Variants in LRRC31 observed in about 807,000 individuals in gnomAD.
The protein encoded by LRRC31 is leucine-rich repeat-containing protein 31.
Under a neutral mutation model 46.7 loss-of-function variants are expected in LRRC31, and 35 were observed. The ratio of observed to expected loss-of-function variants is 0.75; its 90% CI spans 0.57 to 0.99. The LOEUF (loss-of-function observed/expected upper bound fraction) is 0.99, where lower values mean the gene tolerates loss of function less well. LRRC31 is among the 50% of genes least tolerant of loss of function. LRRC31 has a pLI of 0.00. For missense variants in LRRC31, 613 were observed against 626.1 expected (o/e 0.98, Z 0.22); for synonymous variants, 236 against 235.1 (o/e 1.00, Z -0.03).
chr3:169,869,728 C>G lies in LRRC31; in HGVS notation c.80G>C (p.Gly27Ala), dbSNP rs1781434018. Residue 27 changes from glycine to alanine, a missense_variant, in exon 1 of 9, where the codon GGC becomes GCC. Physicochemically the swap from Gly to Ala is moderately conservative, Grantham distance 60 (BLOSUM62 0). Coordinates refer to ENST00000316428, the MANE Select transcript of LRRC31 (RefSeq NM_024727.4). Reference protein sequence around the residue: ...QTSTVNKFLRGSNAESRKEDN... With the variant: ...QTSTVNKFLRASNAESRKEDN... Reference sequence around the variant, plus strand: ...CTCTTTTCTGCTTTCAGCATTGGAGCCCCTGAGAAATTTGTTGACAGTTGA... The same window carrying G: ...CTCTTTTCTGCTTTCAGCATTGGAGGCCCTGAGAAATTTGTTGACAGTTGA... 2 of 1,613,048 alleles carry G rather than the reference C, an allele frequency of 1.2e-6. No homozygotes were observed. Among genetic ancestry groups the G allele is most frequent in the African/African-American group, 2.7e-5 (2 of 74,868 alleles).
chr3:169,865,365 G>A (rs1465592293), intron 1 of LRRC31, among the ~76,000 whole-genome samples: 8 of 152,194 alleles, frequency 5.3e-5, no homozygotes, highest in South Asian at 2.1e-4. Flanking sequence ...GGAGTGGGGT[G>A]GGAGGCACCC....
chr3:169,864,149 TTC>T (rs1781257388), intron 1 of LRRC31, among the ~76,000 whole-genome samples: 1 of 152,220 alleles, frequency 6.6e-6, no homozygotes. Flanking sequence ...AAACCCACTC[TTC>T]TGTTTTCTCC....
chr3:169,851,935 C>A (rs1001771138), intron 6 of LRRC31, 149 bp from the exon 7 acceptor site: 1 of 708,040 alleles, frequency 1.4e-6, no homozygotes, highest in African/African-American at 1.8e-5. Context: ...AAACCAGCCT[C>A]TTCCCAGCAT....
rs775422472 is a variant in LRRC31, at chr3:169,840,139, C to G, written c.1502G>C (p.Trp501Ser). ...CACAGCATATAACAAGTGTCTAAAC[C>G]ATTGTCCACAATCTCGAAAATTTGA... ...RPSNFRDCGQ[W>S]FRHLLYAVTK... The change falls in exon 9 of 9, where the codon TGG (tryptophan) becomes TCG (serine). Residue 501 changes from tryptophan (W) to serine (S), a missense_variant. By Grantham distance (177) the Trp-to-Ser change is radical. Transcript: ENST00000316428. 9.9e-6 allele frequency: 16 copies of G among 1,613,958 alleles called. No individual in the cohort carries two copies. Among genetic ancestry groups the G allele is most frequent in the Non-Finnish European group, 8.5e-7 (1 of 1,180,030 alleles).
In LRRC31 at chr3:169,860,640, C is replaced by G. The variant is rs771311608; in HGVS notation, c.408G>C (p.Gln136His). Reference protein sequence around the residue: ...FVGGTLLSITQQMHLVSKLKI... With the variant: ...FVGGTLLSITHQMHLVSKLKI... ...TTAACTTGCTGACCAGATGCATTTG[C>G]TGAGTGATGGAAAGGAGGGTTCCAC... Residue 136 changes from glutamine (Q) to histidine (H), a missense_variant, in exon 3 of 9, where the codon CAG becomes CAC. Physicochemically the swap from Gln to His is conservative, Grantham distance 24. Coordinates refer to ENST00000316428, the MANE Select transcript of LRRC31 (RefSeq NM_024727.4). The G allele has an allele frequency of 6.2e-7, 1 of 1,614,026 alleles. No individual in the cohort carries two copies. The highest frequency in any genetic ancestry group is 8.5e-7 in the Non-Finnish European group (1 of 1,180,034).
rs776826529 is a variant in LRRC31 at position 169,856,733 on chromosome 3, G to A, written c.627C>T (p.Ser209=). The A allele has an allele frequency of 1.3e-6, 2 of 1,594,346 alleles. No individual in the cohort carries two copies. Among genetic ancestry groups the A allele is most frequent in the East Asian group, 4.5e-5 (2 of 44,074 alleles). ...KIQMIELVDC[S]LTSEDGTFLG... ...GAAATGTCCCATCTTCTGACGTGAG[G>A]GAGCAATCCACAAGCTCAATCATTT... The change falls in exon 4 of 9, where the codon TCC becomes TCT. Residue 209 remains serine, a synonymous_variant. Coordinates refer to ENST00000316428, the MANE Select transcript of LRRC31 (RefSeq NM_024727.4).
chr3:169,843,786 A>C (rs1382077417), intron 8 of LRRC31, among the ~76,000 whole-genome samples: 1 of 152,236 alleles, frequency 6.6e-6, no homozygotes, highest in Non-Finnish European at 1.5e-5. Context: ...AGGTGGTATC[A>C]CTATGGGCAG....
At chr3:169,869,500 G>A (rs1576807665) in intron 1 of LRRC31, 133 bp downstream of exon 1, 2 of 637,310 alleles carry the variant, frequency 3.1e-6, no homozygotes, top group Admixed American at 3.9e-5. Flanking sequence ...TGCCTGTATT[G>A]AAACATCTCA....
At chr3:169,853,128 C>T in intron 6 of LRRC31, 1 of 721,302 alleles carries the variant, frequency 1.4e-6, no homozygotes, top group Non-Finnish European at 1.7e-6. Flanking sequence ...CATCGGTTTA[C>T]TCCTGCCCTT....
intron 6 of LRRC31, chr3:169,853,450 A>G: frequency 1.0e-6 from 1 of 985,486 alleles, no homozygotes; most frequent in Non-Finnish European, 1.2e-6. Context: ...TAGGTAAGGA[A>G]AGCTTAGTCC....
At chr3:169,850,394 A>C (rs949216672) in intron 7 of LRRC31, among the ~76,000 whole-genome samples, 13 of 152,032 alleles carry the variant, frequency 8.6e-5, no homozygotes, top group Non-Finnish European at 1.8e-4. Flanking sequence ...CCCATTGTCC[A>C]CATGTCTGGA....
intron 8 of LRRC31, among the ~76,000 whole-genome samples, chr3:169,845,094 C>A (rs972128131): frequency 2.0e-5 from 3 of 151,900 alleles, no homozygotes; most frequent in African/African-American, 7.3e-5. Context: ...ATTATATATC[C>A]ACGTAACATT....
At chr3:169,861,543 T>G in intron 2 of LRRC31, 127 bp downstream of exon 2, 4 of 936,880 alleles carry the variant, frequency 4.3e-6, no homozygotes, top group Non-Finnish European at 6.2e-6. Flanking sequence ...AGCGATGCTG[T>G]TTCTGCAATT....
intron 1 of LRRC31, among the ~76,000 whole-genome samples, chr3:169,867,474 G>A (rs1156923151): frequency 6.6e-6 from 1 of 151,798 alleles, no homozygotes; most frequent in Non-Finnish European, 1.5e-5. Flanking sequence ...AGCCAGGATG[G>A]TCTCGATCTC....
At chr3:169,855,970 C>T (rs1780926302) in intron 5 of LRRC31, among the ~76,000 whole-genome samples, 1 of 152,026 alleles carries the variant, frequency 6.6e-6, no homozygotes. Context: ...AACCTCACCT[C>T]CTGAGTTCAA....
intron 1 of LRRC31, among the ~76,000 whole-genome samples, chr3:169,862,567 C>A (rs1028479049): frequency 6.6e-6 from 1 of 152,018 alleles, no homozygotes; most frequent in East Asian, 1.9e-4. Context: ...TCAACACCAT[C>A]CTGGCCAACA....
Position 169,852,423 on chromosome 3 carries a change from A to AC in LRRC31, c.992-638_992-637insG, listed in dbSNP as rs1560626246. ...GTCTCAAAAAAAAAAAAAAAAAAAA[A>AC]AAAAAAAACTCTTAGCCTTCTCTAT... On this transcript the variant is annotated intron_variant, in intron 6 of 8. Transcript: ENST00000316428. Among the ~76,000 whole-genome samples the AC allele has an allele frequency of 6.4e-3, 935 of 145,522 alleles. 51 individuals carry two copies. The highest frequency in any genetic ancestry group is 0.024 in the African/African-American group (866 of 36,006).
At position 169,869,913 on chromosome 3, in the gene LRRC31, A is replaced by T. The variant is rs887350184; in HGVS notation, c.-106T>A. ...GATTCTGTCAAGCCTGTGTTCAATC[A>T]AAATATCCTCCCCTACATGACTGCC... On this transcript the variant is annotated 5_prime_UTR_variant, in exon 1 of 9. Coordinates refer to ENST00000316428, the MANE Select transcript of LRRC31 (RefSeq NM_024727.4). 64 of 1,030,350 alleles carry T rather than the reference A, an allele frequency of 6.2e-5. No homozygotes were observed. The highest frequency in any genetic ancestry group is 8.7e-5 in the Non-Finnish European group (64 of 736,032). 63.8% of individuals were successfully genotyped at this position (1,030,350 alleles called of 1,614,324 possible).
intron 3 of LRRC31, among the ~76,000 whole-genome samples, chr3:169,858,645 CA>C (rs957455567): frequency 2.0e-5 from 3 of 152,120 alleles, no homozygotes; most frequent in Non-Finnish European, 4.4e-5. Flanking sequence ...ATCCCTATTT[CA>C]GATATAAGAA....
Sources: allele counts gnomAD v4.1 joint callset (sites outside exome capture counted in the v4.1 genomes callset), GRCh38; gene constraint gnomAD v4.1.1; transcripts MANE v1.5; gene names NCBI Gene and HGNC (gene_info 2026-07-23, HGNC 2026-07-21).